RTN1: variants seen among roughly 807,000 people sequenced by gnomAD.
RTN1 encodes the protein reticulon 1.
RTN1 carries 25 observed loss-of-function variants against 65.5 expected under a neutral mutation model. That is an observed-to-expected ratio of 0.38 (90% confidence interval 0.28 to 0.53). RTN1 has a LOEUF of 0.53. Ranked by LOEUF, RTN1 falls within the 20% of genes least tolerant of loss-of-function variation. The probability of loss-of-function intolerance (pLI) is 0.79; values close to 1 mark genes in which losing one functional copy is unlikely to be tolerated. For missense variants in RTN1, 983 were observed against 1,025.4 expected (o/e 0.96, Z 0.57); for synonymous variants, 471 against 447.6 (o/e 1.05, Z -0.66).
At chr14:59,864,724 G>T (rs10134572) in intron 1 of RTN1, among the ~76,000 whole-genome samples, 5 of 152,110 alleles carry the variant, frequency 3.3e-5, no homozygotes, top group African/African-American at 1.2e-4. Flanking sequence ...CTGGAGAGGG[G>T]CAATGGATTG....
intron 3 of RTN1, among the ~76,000 whole-genome samples, chr14:59,652,586 C>T (rs1169304746): frequency 1.3e-5 from 2 of 151,972 alleles, no homozygotes; most frequent in African/African-American, 4.8e-5. Flanking sequence ...GAACAGAAAA[C>T]CAAATACCAT....
At chr14:59,683,731 C>T (rs1414792691) in intron 3 of RTN1, among the ~76,000 whole-genome samples, 1 of 152,114 alleles carries the variant, frequency 6.6e-6, no homozygotes, top group African/African-American at 2.4e-5. Flanking sequence ...TAGAATTACT[C>T]TCTTATTTCC....
At chr14:59,720,761 G>A (rs973175819) in intron 3 of RTN1, among the ~76,000 whole-genome samples, 1 of 151,242 alleles carries the variant, frequency 6.6e-6, no homozygotes, top group African/African-American at 2.4e-5. Flanking sequence ...GAAAATCGAT[G>A]TCTCCATCTA....
chr14:59,603,505 T>G (rs1881645121), intron 6 of RTN1, among the ~76,000 whole-genome samples: 1 of 150,908 alleles, frequency 6.6e-6, no homozygotes, highest in African/African-American at 2.4e-5. Flanking sequence ...ATTCCTAGAA[T>G]TAGGATAAAC....
chr14:59,807,931 TA>T (rs1674011841), intron 1 of RTN1, among the ~76,000 whole-genome samples: 1 of 152,206 alleles, frequency 6.6e-6, no homozygotes, highest in African/African-American at 2.4e-5. Flanking sequence ...GTACAAAATA[TA>T]CATAAAGTAT....
chr14:59,733,681 C>G (rs995832432), intron 2 of RTN1, among the ~76,000 whole-genome samples: 23 of 152,174 alleles, frequency 1.5e-4, no homozygotes, highest in African/African-American at 5.5e-4. Context: ...ATCCACTCCT[C>G]CTTGCAGGGG....
At position 59,722,067 on chromosome 14, in the gene RTN1, C is replaced by G. The variant is rs555117350; in HGVS notation, c.1765+4852G>C. 8.5e-5 allele frequency among the ~76,000 whole-genome samples: 13 copies of G among 152,242 alleles called. No individual in the cohort carries two copies. The South Asian group carries it at 1.7e-3, about 19-fold the overall frequency. On this transcript the variant is annotated intron_variant, in intron 3 of 8. Transcript: ENST00000267484. ...TGTATAATTTATATATTTTTGCCCA[C>G]CTGCTATAGCATTTCTATGGGATAA... is the stretch of plus-strand genomic sequence containing the variant.
chr14:59,802,071 C>T (rs1431281130), intron 1 of RTN1, among the ~76,000 whole-genome samples: 1 of 152,180 alleles, frequency 6.6e-6, no homozygotes, highest in African/African-American at 2.4e-5. Flanking sequence ...ACATTGTGTA[C>T]ACCTGAAGGT....
chr14:59,698,368 T>C (rs144975943), intron 3 of RTN1, among the ~76,000 whole-genome samples: 23 of 152,280 alleles, frequency 1.5e-4, no homozygotes, highest in African/African-American at 5.5e-4. Flanking sequence ...GAACAAATAG[T>C]CATAGCTGCC....
chr14:59,603,828 G>A (rs747653551), intron 6 of RTN1, 24 bp downstream of exon 6: 8 of 1,583,730 alleles, frequency 5.1e-6, no homozygotes, highest in East Asian at 4.5e-5. Flanking sequence ...GAAGGAAGAC[G>A]TATACAGTCT....
At chr14:59,855,370 CTG>C (rs1707543184) in intron 1 of RTN1, among the ~76,000 whole-genome samples, 1 of 152,280 alleles carries the variant, frequency 6.6e-6, no homozygotes, top group African/African-American at 2.4e-5. Context: ...ATCTCGATTA[CTG>C]TGTTTCTTCT....
rs1267651836 is a variant in RTN1, at chr14:59,790,775, C to T, written c.242-44294G>A. Among the ~76,000 whole-genome samples the T allele has an allele frequency of 6.6e-6, 1 of 151,998 alleles. No homozygotes were observed. Among genetic ancestry groups the T allele is most frequent in the African/African-American group, 2.4e-5 (1 of 41,408 alleles). On this transcript the variant is annotated intron_variant, in intron 1 of 8. Transcript: ENST00000267484. The surrounding 1 kb of genome is among the most constrained non-coding windows in gnomAD (Gnocchi z 4.1). ...CCCAGATATACTGATTTTTCTTTGG[C>T]TGTATCATCTTTGAGTTTTGTATCT...
chr14:59,677,544 T>C (rs1883653583), intron 3 of RTN1, among the ~76,000 whole-genome samples: 1 of 152,192 alleles, frequency 6.6e-6, no homozygotes, highest in Non-Finnish European at 1.5e-5. Flanking sequence ...GGACAGAGCA[T>C]GATGGCAAAG....
rs150551763 is a variant in RTN1, at chr14:59,716,756, G to T, written c.1765+10163C>A. ...GTGGATCACGAGGTCAGGAGATCAA[G>T]ACTATCCTGGCTAACACGGTGAAAT... is the stretch of plus-strand genomic sequence containing the variant. On this transcript the variant is annotated intron_variant, in intron 3 of 8. Transcript: ENST00000267484. Among the ~76,000 whole-genome samples the T allele has an allele frequency of 5.6e-3, 845 of 149,982 alleles. 7 individuals carry two copies. Among genetic ancestry groups the T allele is most frequent in the African/African-American group, 0.02 (798 of 40,730 alleles).
At chr14:59,607,890 G>A (rs1376346059) in intron 3 of RTN1, among the ~76,000 whole-genome samples, 1 of 145,528 alleles carries the variant, frequency 6.9e-6, no homozygotes, top group Non-Finnish European at 1.5e-5. Context: ...GACAGGGTTA[G>A]ACTCTGTCTT....
chr14:59,657,931 G>A (rs1361420085), intron 3 of RTN1, among the ~76,000 whole-genome samples: 1 of 152,166 alleles, frequency 6.6e-6, no homozygotes, highest in African/African-American at 2.4e-5. Flanking sequence ...TGAGGCCAGG[G>A]AGCCAAGTGG....
At chr14:59,741,586 T>C (rs1278777398) in intron 2 of RTN1, among the ~76,000 whole-genome samples, 1 of 152,172 alleles carries the variant, frequency 6.6e-6, no homozygotes, top group African/African-American at 2.4e-5. Flanking sequence ...AATAAATAGA[T>C]GAAAGAATAA....
rs542187495 is a variant in RTN1, at chr14:59,697,199, T to G, written c.1765+29720A>C. Among the ~76,000 whole-genome samples, 31 of 152,302 alleles carry G rather than the reference T, an allele frequency of 2.0e-4. No individual in the cohort carries two copies. In the East Asian group the frequency reaches 5.4e-3, roughly 27 times the overall value. On this transcript the variant is annotated intron_variant, in intron 3 of 8. Coordinates refer to ENST00000267484, the MANE Select transcript of RTN1 (RefSeq NM_021136.3). ...TCTCTTTCAAAACTTGGCTCAAATATCCCTCATTTTGGTATGCATCATTCA... is the reference window on the plus strand; with the variant it reads ...TCTCTTTCAAAACTTGGCTCAAATAGCCCTCATTTTGGTATGCATCATTCA...
intron 1 of RTN1, among the ~76,000 whole-genome samples, chr14:59,780,074 A>G (rs1214673766): frequency 1.3e-5 from 2 of 152,158 alleles, no homozygotes; most frequent in African/African-American, 2.4e-5. Flanking sequence ...CTCATTTACC[A>G]CTGTGCCAGG....
Sources: gnomAD v4.1 joint callset for allele counts (sites outside exome capture counted in the v4.1 genomes callset) on GRCh38, gnomAD v4.1.1 for gene constraint, Gnocchi (gnomAD v3.1) non-coding constraint, MANE v1.5 for transcripts, NCBI Gene and HGNC (gene_info 2026-07-23, HGNC 2026-07-21) for gene names.